Variants in KCNH2 observed in about 807,000 individuals in gnomAD.
KCNH2 encodes the protein voltage-gated inwardly rectifying potassium channel KCNH2.
Under a neutral mutation model 95.9 loss-of-function variants are expected in KCNH2, and 35 were observed. The observed-to-expected ratio is 0.37, with a 90% CI of 0.28 to 0.48. KCNH2 has a LOEUF of 0.48. KCNH2 is among the 20% of genes least tolerant of loss of function. The pLI is 0.99. For missense variants in KCNH2, 1,274 were observed against 1,702.9 expected (o/e 0.75, Z 4.43); for synonymous variants, 786 against 754.7 (o/e 1.04, Z -0.68).
At chr7:150,966,907 A>G (rs577758741) in intron 2 of KCNH2, among the ~76,000 whole-genome samples, 45 of 152,354 alleles carry the variant, frequency 3.0e-4, no homozygotes, top group African/African-American at 1.1e-3. Context: ...ATTAATCTAT[A>G]GAACCAAACT....
chr7:150,950,669 C>T (rs1307762965), intron 8 of KCNH2, among the ~76,000 whole-genome samples: 3 of 152,212 alleles, frequency 2.0e-5, no homozygotes, highest in Non-Finnish European at 4.4e-5. Context: ...AGACCATTCC[C>T]GCCCTGGGCT....
chr7:150,945,974 G>A lies in KCNH2; in HGVS notation c.3331-460C>T, dbSNP rs1209611184. ...CCAGGCATCTGAAGGCCAGGGAGAG[G>A]GCCGGGGCAGGCGGGAGGGGTTTGT... On this transcript the variant is annotated intron_variant, in intron 14 of 14. Transcript: ENST00000262186. The surrounding 1 kb of genome is among the most constrained non-coding windows in gnomAD (Gnocchi z 5.6). Among the ~76,000 whole-genome samples, 2 of 152,172 alleles carry A rather than the reference G, an allele frequency of 1.3e-5. No homozygotes were observed. The highest frequency in any genetic ancestry group is 4.8e-5 in the African/African-American group (2 of 41,434).
Position 150,957,372 on chromosome 7 carries a change from C to T in KCNH2, c.1047G>A (p.Leu349=). The T allele has an allele frequency of 4.3e-6, 7 of 1,613,956 alleles. No individual in the cohort carries two copies. The highest frequency in any genetic ancestry group is 5.1e-6 in the Non-Finnish European group (6 of 1,179,924). ...NFVDLKGDPF[L]ASPTSDREII... ...TCTCACGGTCACTGGTGGGCGAAGC[C>T]AAGAAGGGGTCGCCCTTGAGGTCCA... The change falls in exon 5 of 15, where the codon TTG becomes TTA. Residue 349 remains leucine (L), a synonymous_variant. Transcript: ENST00000262186.
intron 2 of KCNH2, among the ~76,000 whole-genome samples, chr7:150,967,341 G>C (rs186782454): frequency 1.9e-4 from 29 of 152,312 alleles, no homozygotes; most frequent in African/African-American, 6.5e-4. Flanking sequence ...AAATAGCTAT[G>C]TCAGCCTTTA....
chr7:150,948,423 T>TCCTCCCCCCCCCCCCCCCCC, intron 11 of KCNH2, 21 bp downstream of exon 11: 1 of 894,068 alleles, frequency 1.1e-6, no homozygotes, highest in Non-Finnish European at 1.7e-6. Context: ...CCCTCCCCCT[T>TCCTCCCCCCCCCCCCCCCCC]CCTCCCCTCC....
At position 150,952,599 on chromosome 7, in the gene KCNH2, G is replaced by T. The variant is rs1017150984; in HGVS notation, c.1383C>A (p.Ile461=). ...PLAVVDLIVD[I]MFIVDILINF... ...TGATGAGGATGTCCACAATGAACAT[G>T]ATGTCCACGATGAGGTCCACCACAG... Residue 461 remains isoleucine, a synonymous_variant, in exon 6 of 15, where the codon ATC becomes ATA. Transcript: ENST00000262186. This position sits in a 1 kb window ranked among gnomAD's most constrained non-coding sequence, Gnocchi z 7.3. The T allele has an allele frequency of 1.2e-6, 2 of 1,614,080 alleles. No homozygotes were observed. The highest frequency in any genetic ancestry group is 8.5e-7 in the Non-Finnish European group (1 of 1,180,052).
At chr7:150,951,206 A>C in intron 7 of KCNH2, 86 bp from the exon 8 acceptor site, 2 of 1,223,746 alleles carry the variant, frequency 1.6e-6, no homozygotes, top group Non-Finnish European at 2.3e-6. Context: ...GCACCAGGTC[A>C]GTGTCTCAGT....
rs1801573957 is a variant in KCNH2, at chr7:150,961,809, G to A, written c.308-2073C>T. 6.6e-6 allele frequency among the ~76,000 whole-genome samples: 1 copy of A among 152,192 alleles called. No homozygotes were observed. Among genetic ancestry groups the A allele is most frequent in the South Asian group, 2.1e-4 (1 of 4,832 alleles). On this transcript the variant is annotated intron_variant, in intron 2 of 14. Transcript: ENST00000262186. This position sits in a 1 kb window ranked among gnomAD's most constrained non-coding sequence, Gnocchi z 6.2. ...CAAGGGGCTGCGTGCTGGGGAGGCA[G>A]GGAGCAGGCCAGGTGGGAAGGGCCT... is the stretch of plus-strand genomic sequence containing the variant.
At position 150,944,999 on chromosome 7, in the gene KCNH2, C is replaced by T. The variant is rs904008018; in HGVS notation, c.*366G>A. 3.6e-5 allele frequency: 8 copies of T among 223,666 alleles called. No homozygotes were observed. Among genetic ancestry groups the T allele is most frequent in the Admixed American group, 5.1e-5 (1 of 19,630 alleles). 13.9% of individuals were successfully genotyped at this position (223,666 alleles called of 1,614,324 possible). A position where few individuals can be genotyped will look rare whatever the true frequency, so the allele number is the denominator to read the frequency against. ...ATTATTTATTATTCATAGTCATCAGCATCTTCATTAATTATTCATATGATC... is the reference window on the plus strand; with the variant it reads ...ATTATTTATTATTCATAGTCATCAGTATCTTCATTAATTATTCATATGATC... On this transcript the variant is annotated 3_prime_UTR_variant, in exon 15 of 15. Transcript: ENST00000262186.
chr7:150,950,012 C>G, intron 9 of KCNH2, 156 bp downstream of exon 9: 7 of 1,570,884 alleles, frequency 4.5e-6, no homozygotes, highest in Non-Finnish European at 6.0e-6. Context: ...TCCATGGCCC[C>G]GCTTGGAGGG....
At position 150,959,729 on chromosome 7, in the gene KCNH2, G is replaced by A. The variant is rs772377097; in HGVS notation, c.315C>T (p.Cys105=). ...GCACCACATCCACCAGACATAGGAA[G>A]CAGCTCCCTGCAGAGTGGGAGGACA... The part of the protein sequence containing the change: ...EIAFYRKDGS[C]FLCLVDVVPV... The change falls in exon 3 of 15, where the codon TGC becomes TGT. Residue 105 remains cysteine, a synonymous_variant. Transcript: ENST00000262186. 1 of 1,614,178 alleles carries A rather than the reference G, an allele frequency of 6.2e-7. No homozygotes were observed. Among genetic ancestry groups the A allele is most frequent in the East Asian group, 2.2e-5 (1 of 44,884 alleles).
rs1801107034 is a variant in KCNH2 at position 150,950,504 on chromosome 7, T to C, written c.2146-84A>G. 21 of 1,524,504 alleles carry C rather than the reference T, an allele frequency of 1.4e-5. No individual in the cohort carries two copies. The South Asian group carries it at 1.9e-4, about 14-fold the overall frequency. 94.4% of individuals were successfully genotyped at this position (1,524,504 alleles called of 1,614,324 possible). A position where few individuals can be genotyped will look rare whatever the true frequency, so the allele number is the denominator to read the frequency against. On this transcript the variant is annotated intron_variant, in intron 8 of 14. Transcript: ENST00000262186. ...TCTACTCCACCATCCCACCCCTCCATGTCAGAGAAATCTCAACCTCCAGGC... is the reference window on the plus strand; with the variant it reads ...TCTACTCCACCATCCCACCCCTCCACGTCAGAGAAATCTCAACCTCCAGGC...
chr7:150,974,953 G>C lies in KCNH2; in HGVS notation c.77-12C>G. On this transcript the variant is annotated splice_polypyrimidine_tract_variant and intron_variant, in intron 1 of 14. Coordinates refer to ENST00000262186, the MANE Select transcript of KCNH2 (RefSeq NM_000238.4). Reference sequence around the variant, plus strand: ...GATGAACTTACGGCCTAGGGGGGCGGGGAGGAGAGTGCGCGTGAGCGGGGA... The same window carrying C: ...GATGAACTTACGGCCTAGGGGGGCGCGGAGGAGAGTGCGCGTGAGCGGGGA... 2 of 1,579,314 alleles carry C rather than the reference G, an allele frequency of 1.3e-6. No individual in the cohort carries two copies. Among genetic ancestry groups the C allele is most frequent in the Non-Finnish European group, 1.7e-6 (2 of 1,163,766 alleles).
chr7:150,945,986 C>T lies in KCNH2; in HGVS notation c.3331-472G>A, dbSNP rs1304031702. 6.6e-6 allele frequency among the ~76,000 whole-genome samples: 1 copy of T among 152,060 alleles called. No individual in the cohort carries two copies. The highest frequency in any genetic ancestry group is 2.4e-5 in the African/African-American group (1 of 41,404). ...AGGCCAGGGAGAGGGCCGGGGCAGG[C>T]GGGAGGGGTTTGTGGGTACTGAGCG... On this transcript the variant is annotated intron_variant, in intron 14 of 14. Coordinates refer to ENST00000262186, the MANE Select transcript of KCNH2 (RefSeq NM_000238.4). This position sits in a 1 kb window ranked among gnomAD's most constrained non-coding sequence, Gnocchi z 5.6.
chr7:150,950,745 A>G (rs938384101), intron 8 of KCNH2, among the ~76,000 whole-genome samples, 176 bp downstream of exon 8: 6 of 152,186 alleles, frequency 3.9e-5, no homozygotes, highest in African/African-American at 1.4e-4. Context: ...GGAGCTCTCC[A>G]GGGAAGGGGT....
chr7:150,974,693 G>C lies in KCNH2; in HGVS notation c.307+18C>G. ...TGACCCCGCCCCTGGTCGTGGCCCCGCCCCGGCCCGCTCCTACCATCTTTC... is the reference window on the plus strand; with the variant it reads ...TGACCCCGCCCCTGGTCGTGGCCCCCCCCCGGCCCGCTCCTACCATCTTTC... On this transcript the variant is annotated intron_variant, in intron 2 of 14. Transcript: ENST00000262186. The C allele has an allele frequency of 3.7e-6, 4 of 1,091,724 alleles. No individual in the cohort carries two copies. The highest frequency in any genetic ancestry group is 4.7e-6 in the Non-Finnish European group (4 of 849,164). 67.6% of individuals were successfully genotyped at this position (1,091,724 alleles called of 1,614,324 possible).
intron 5 of KCNH2, chr7:150,955,374 G>C (rs1801330782): frequency 1.9e-5 from 30 of 1,550,318 alleles, no homozygotes; most frequent in Non-Finnish European, 2.6e-5. Flanking sequence ...AGAAAGAAGA[G>C]GAAGGACCGG....
intron 12 of KCNH2, 31 bp from the exon 13 acceptor site, chr7:150,947,545 G>T: frequency 1.2e-6 from 2 of 1,601,650 alleles, no homozygotes; most frequent in Non-Finnish European, 1.7e-6. Flanking sequence ...TGGGTGAGCG[G>T]GGTAGACGCA....
chr7:150,974,670 A>G (rs1395525767), intron 2 of KCNH2, 41 bp downstream of exon 2: 1 of 636,942 alleles, frequency 1.6e-6, no homozygotes, highest in Non-Finnish European at 2.4e-6. Context: ...GCCCCTCTTG[A>G]CCCCGCCCCT....
Sources: gnomAD v4.1 joint callset for allele counts (sites outside exome capture counted in the v4.1 genomes callset) on GRCh38, gnomAD v4.1.1 for gene constraint, Gnocchi (gnomAD v3.1) non-coding constraint, MANE v1.5 for transcripts, NCBI Gene and HGNC (gene_info 2026-07-23, HGNC 2026-07-21) for gene names.